The following VWA8 variants were observed in gnomAD, a reference collection of about 807,000 sequenced individuals.
VWA8 encodes von Willebrand factor A domain-containing protein 8.
A neutral mutation model predicts 241.5 loss-of-function variants in VWA8; 221 were observed. That is an observed-to-expected ratio of 0.91 (90% CI 0.82 to 1.02). VWA8 has a LOEUF of 1.02. VWA8 is among the 50% of genes least tolerant of loss of function. The pLI, the probability that VWA8 is intolerant of heterozygous loss-of-function variation, is 0.00. For synonymous variants in VWA8, 852 were observed against 827.1 expected, an observed-to-expected ratio of 1.03 and a Z score of -0.52; for missense variants, 2,322 against 2,328.7, an observed-to-expected ratio of 1.00 and a Z score of 0.06.
At chr13:41,739,844 TTTTGTTTTTTTTG>T (rs1566436401) in intron 21 of VWA8, among the ~76,000 whole-genome samples, 3 of 55,772 alleles carry the variant, frequency 5.4e-5, no homozygotes, top group African/African-American at 1.2e-4. Context: ...TTTTTGTTTT[TTTTGTTTTTTTTG>T]TTTTTTTTTT....
At chr13:41,936,347 T>C (rs1002996866) in intron 2 of VWA8, among the ~76,000 whole-genome samples, 3 of 152,214 alleles carry the variant, frequency 2.0e-5, no homozygotes, top group African/African-American at 7.2e-5. Flanking sequence ...ATGTTGTGCC[T>C]GTTTAAATCC....
chr13:41,859,062 G>T (rs1183486295), intron 12 of VWA8, among the ~76,000 whole-genome samples: 1 of 146,208 alleles, frequency 6.8e-6, no homozygotes, highest in Non-Finnish European at 1.5e-5. Context: ...GGTGGACAGA[G>T]CAAAAACCTG....
chr13:41,703,761 T>C (rs2045265448), intron 26 of VWA8, among the ~76,000 whole-genome samples: 1 of 151,594 alleles, frequency 6.6e-6, no homozygotes, highest in African/African-American at 2.4e-5. Context: ...GAGCAATCTA[T>C]CAATTTTTTC....
chr13:41,604,347 T>C lies in VWA8; in HGVS notation c.4986+821A>G, dbSNP rs186570563. 4.7e-3 allele frequency among the ~76,000 whole-genome samples: 722 copies of C among 152,272 alleles called. 4 individuals are homozygous for C. Among genetic ancestry groups the C allele is most frequent in the Non-Finnish European group, 8.4e-3 (569 of 67,992 alleles). ...TAAAGTACATGGTTTAATTTTTACA[T>C]TTCTTGGATTTTGAAATTAGACATC... is the stretch of plus-strand genomic sequence containing the variant. On this transcript the variant is annotated intron_variant, in intron 40 of 44. Transcript: ENST00000379310.
chr13:41,868,513 T>G, intron 9 of VWA8, 36 bp from the exon 10 acceptor site: 1 of 1,595,500 alleles, frequency 6.3e-7, no homozygotes, highest in East Asian at 2.2e-5. Context: ...AATTTACTTT[T>G]CATTTTAGCA....
At chr13:41,699,402 G>A (rs1302025400) in intron 28 of VWA8, 132 bp from the exon 29 acceptor site, 8 of 807,254 alleles carry the variant, frequency 9.9e-6, no homozygotes, top group Non-Finnish European at 1.6e-5. Flanking sequence ...TTTGTATCAT[G>A]GCTTGATTAG....
chr13:41,878,413 C>T (rs1874005365), intron 9 of VWA8, among the ~76,000 whole-genome samples: 1 of 149,580 alleles, frequency 6.7e-6, no homozygotes, highest in East Asian at 2.0e-4. Context: ...TCAATAAATA[C>T]TCTTCCACTC....
chr13:41,656,956 T>C (rs1246536612), intron 37 of VWA8, among the ~76,000 whole-genome samples: 1 of 152,214 alleles, frequency 6.6e-6, no homozygotes, highest in Non-Finnish European at 1.5e-5. Flanking sequence ...GTTTCAGGTG[T>C]GACTGATTCA....
At chr13:41,698,073 G>A (rs2045226830) in intron 29 of VWA8, among the ~76,000 whole-genome samples, 1 of 151,724 alleles carries the variant, frequency 6.6e-6, no homozygotes, top group South Asian at 2.1e-4. Context: ...GACAATCCCT[G>A]CCTGCCTTAT....
intron 2 of VWA8, among the ~76,000 whole-genome samples, chr13:41,943,389 T>C (rs1267140375): frequency 6.6e-5 from 10 of 152,198 alleles, no homozygotes; most frequent in Admixed American, 6.5e-4. Context: ...GAAGCAGAGA[T>C]GTAATAGACC....
At chr13:41,648,955 G>A (rs1228697853) in intron 37 of VWA8, among the ~76,000 whole-genome samples, 1 of 152,118 alleles carries the variant, frequency 6.6e-6, no homozygotes, top group South Asian at 2.1e-4. Flanking sequence ...AGGCCAAGGC[G>A]GGTGGATCAC....
In VWA8 at chr13:41,605,229, C is replaced by T. The variant is rs765146030; in HGVS notation, c.4925G>A (p.Arg1642Lys). ...CTGTCGCCGAACAGCACCTGAAAAC[C>T]TTTCATAGGTTGCAGCATCGTATTC... is the stretch of plus-strand genomic sequence containing the variant. ...MSEYDAATYERFSGAVRRQVH... is the reference protein window; with the variant it reads ...MSEYDAATYEKFSGAVRRQVH... The change falls in exon 40 of 45, where the codon AGG becomes AAG. Residue 1642 changes from arginine (R) to lysine (K), a missense_variant. Coordinates refer to ENST00000379310, the MANE Select transcript of VWA8 (RefSeq NM_015058.2). 4 of 1,613,194 alleles carry T rather than the reference C, an allele frequency of 2.5e-6. No homozygotes were observed. In the Admixed American group the frequency reaches 6.7e-5, roughly 27 times the overall value.
chr13:41,897,273 AAAG>A (rs1490967618), intron 4 of VWA8, among the ~76,000 whole-genome samples: 9 of 152,222 alleles, frequency 5.9e-5, no homozygotes, highest in Non-Finnish European at 1.0e-4. Context: ...ACATTTCTCA[AAAG>A]AAGACGTACA....
At chr13:41,772,282 A>G (rs2045829989) in intron 20 of VWA8, among the ~76,000 whole-genome samples, 1 of 152,194 alleles carries the variant, frequency 6.6e-6, no homozygotes, top group African/African-American at 2.4e-5. Context: ...TGTATATCAA[A>G]TTGAATATGA....
At chr13:41,830,062 G>A (rs1566473630) in intron 14 of VWA8, among the ~76,000 whole-genome samples, 1 of 152,086 alleles carries the variant, frequency 6.6e-6, no homozygotes, top group African/African-American at 2.4e-5. Context: ...CTAACAAGGT[G>A]AAACCCTGTC....
intron 9 of VWA8, among the ~76,000 whole-genome samples, chr13:41,880,911 C>T (rs1038500721): frequency 6.6e-6 from 1 of 152,190 alleles, no homozygotes; most frequent in African/African-American, 2.4e-5. Flanking sequence ...AGAGGCTCCA[C>T]CTGCCAGCTT....
In VWA8 at chr13:41,951,948, C is replaced by T. The variant is rs193194398; in HGVS notation, c.164-1935G>A. Among the ~76,000 whole-genome samples the T allele has an allele frequency of 1.7e-3, 259 of 152,258 alleles. 2 individuals are homozygous for T. The highest frequency in any genetic ancestry group is 5.7e-3 in the African/African-American group (237 of 41,532). ...AAGGACTACACACAAAGCTAAATCC[C>T]TGCTAGGTCCAAAACTGGCAGCCAG... is the stretch of plus-strand genomic sequence containing the variant. On this transcript the variant is annotated intron_variant, in intron 1 of 44. Transcript: ENST00000379310.
At position 41,906,505 on chromosome 13, in the gene VWA8, A is replaced by G. The variant is rs1166498013; in HGVS notation, c.483+1081T>C. ...TTTTTTCACTTAATTTATCCTGCAC[A>G]TCTTTCCTATCAGTACGTACACATT... On this transcript the variant is annotated intron_variant, in intron 4 of 44. Coordinates refer to ENST00000379310, the MANE Select transcript of VWA8 (RefSeq NM_015058.2). Among the ~76,000 whole-genome samples the G allele has an allele frequency of 2.6e-5, 4 of 152,124 alleles. 1 individual carries two copies. The highest frequency in any genetic ancestry group is 2.0e-4 in the Admixed American group (3 of 15,284).
intron 41 of VWA8, 109 bp from the exon 42 acceptor site, chr13:41,587,779 A>C (rs112641619): frequency 9.9e-5 from 133 of 1,348,144 alleles, no homozygotes; most frequent in Admixed American, 4.2e-5. Context: ...AGATGGGCAG[A>C]CCAGCCATAG....
Sources: gnomAD v4.1 joint callset for allele counts (sites outside exome capture counted in the v4.1 genomes callset) on GRCh38, gnomAD v4.1.1 for gene constraint, MANE v1.5 for transcripts, NCBI Gene and HGNC (gene_info 2026-07-23, HGNC 2026-07-21) for gene names.